APBB2: variants seen among roughly 807,000 people sequenced by gnomAD.
APBB2 encodes amyloid beta precursor protein binding family B member 2, also known as Fe65-like 1.
APBB2 carries 38 observed loss-of-function variants against 82.5 expected under a neutral mutation model. That is an observed-to-expected ratio of 0.46 (90% CI 0.36 to 0.60). APBB2 has a LOEUF of 0.60. APBB2 is among the 20% of genes least tolerant of loss of function. The pLI, the probability that APBB2 is intolerant of heterozygous loss-of-function variation, is 0.00. For missense variants in APBB2, 772 were observed against 972.3 expected (o/e 0.79, Z 2.74); for synonymous variants, 341 against 368.2 (o/e 0.93, Z 0.85).
At chr4:40,849,432 A>T (rs1343825540) in intron 12 of APBB2, among the ~76,000 whole-genome samples, 1 of 152,244 alleles carries the variant, frequency 6.6e-6, no homozygotes, top group Non-Finnish European at 1.5e-5. Flanking sequence ...GCTCCTGAAG[A>T]AATCAATATA....
At chr4:41,128,308 G>A (rs2154002502) in intron 2 of APBB2, among the ~76,000 whole-genome samples, 1 of 152,258 alleles carries the variant, frequency 6.6e-6, no homozygotes, top group East Asian at 1.9e-4. Context: ...ACACTTCTAT[G>A]CCATTGATGG....
rs184955400 is a variant in APBB2 at position 40,835,416 on chromosome 4, T to A, written c.1530-4839A>T. On this transcript the variant is annotated intron_variant, in intron 12 of 17. Coordinates refer to ENST00000508593, the MANE Select transcript of APBB2 (RefSeq NM_004307.2). ...CTAATGTTACAGACGGGCAATGAGG[T>A]TTGAGCTGCTTCTTTAAGTGTAAGA... 4.9e-4 allele frequency among the ~76,000 whole-genome samples: 75 copies of A among 152,156 alleles called. 2 individuals carry two copies. The East Asian group carries it at 0.013, about 27-fold the overall frequency.
At chr4:41,130,486 TCCTGTTAAAACTCAAGC>T (rs1755659627) in intron 2 of APBB2, among the ~76,000 whole-genome samples, 1 of 152,144 alleles carries the variant, frequency 6.6e-6, no homozygotes, top group Admixed American at 6.5e-5. Flanking sequence ...AACAGAGGAA[TCCTGTTAAAACTCAAGC>T]CACACCACAG....
chr4:40,998,158 T>C lies in APBB2; in HGVS notation c.835+15425A>G, dbSNP rs541207813. On this transcript the variant is annotated intron_variant, in intron 6 of 17. Transcript: ENST00000508593. Reference sequence around the variant, plus strand: ...AGCAAAAATCAGAATTTTGGAAAACTTGTATCTATCACAGTGAGCTTGACA... The same window carrying C: ...AGCAAAAATCAGAATTTTGGAAAACCTGTATCTATCACAGTGAGCTTGACA... Among the ~76,000 whole-genome samples the C allele has an allele frequency of 4.6e-5, 7 of 152,356 alleles. No homozygotes were observed. In the South Asian group the frequency reaches 1.5e-3, roughly 32 times the overall value.
chr4:41,091,071 C>T (rs896763003), intron 3 of APBB2, among the ~76,000 whole-genome samples: 3 of 152,136 alleles, frequency 2.0e-5, no homozygotes, highest in African/African-American at 7.2e-5. Flanking sequence ...TATTGTCACC[C>T]TCACACTCTC....
chr4:41,205,562 C>T (rs943541781), intron 1 of APBB2, among the ~76,000 whole-genome samples: 3 of 152,038 alleles, frequency 2.0e-5, no homozygotes, highest in Non-Finnish European at 2.9e-5. Flanking sequence ...ATAAAGCCAA[C>T]GGACAAAAAG....
intron 11 of APBB2, among the ~76,000 whole-genome samples, chr4:40,892,076 G>C (rs772870947): frequency 6.6e-6 from 1 of 151,282 alleles, no homozygotes; most frequent in Non-Finnish European, 1.5e-5. Flanking sequence ...TCAGCCTCTC[G>C]AGTAGCTGGG....
At position 41,043,888 on chromosome 4, in the gene APBB2, A is replaced by C. The variant is rs140306255; in HGVS notation, c.-50-10584T>G. 3.7e-3 allele frequency among the ~76,000 whole-genome samples: 557 copies of C among 152,286 alleles called. 6 individuals are homozygous for C. The highest frequency in any genetic ancestry group is 0.027 in the Admixed American group (420 of 15,298). ...GCTGTCTGAGTTATGGAGTTTCCAC[A>C]GTATGAATTTTGGTGGTGCATGTTT... On this transcript the variant is annotated intron_variant, in intron 4 of 17. Transcript: ENST00000508593.
intron 4 of APBB2, among the ~76,000 whole-genome samples, chr4:41,064,258 G>A (rs1036418716): frequency 1.5e-4 from 22 of 151,510 alleles, no homozygotes; most frequent in African/African-American, 2.2e-4. Context: ...GATTACAGGC[G>A]TGAGCCACCA....
chr4:40,936,816 T>C (rs545872272), intron 7 of APBB2, among the ~76,000 whole-genome samples: 1 of 152,222 alleles, frequency 6.6e-6, no homozygotes, highest in Admixed American at 6.5e-5. Context: ...GTGTTCAGTC[T>C]TTATGAAGAG....
chr4:41,182,799 G>C (rs1319953436), intron 1 of APBB2, among the ~76,000 whole-genome samples: 1 of 152,128 alleles, frequency 6.6e-6, no homozygotes, highest in African/African-American at 2.4e-5. Context: ...AAAACCATCA[G>C]ATATTGTGAG....
intron 15 of APBB2, among the ~76,000 whole-genome samples, chr4:40,824,179 A>G (rs1749054338): frequency 6.6e-6 from 1 of 152,168 alleles, no homozygotes; most frequent in Non-Finnish European, 1.5e-5. Context: ...AAAAAGAAAA[A>G]AAAGAAATAA....
At chr4:40,961,222 A>C (rs1793115495) in intron 6 of APBB2, among the ~76,000 whole-genome samples, 1 of 152,104 alleles carries the variant, frequency 6.6e-6, no homozygotes, top group Admixed American at 6.5e-5. Flanking sequence ...AATTCATCCT[A>C]TTTCATTCAT....
chr4:41,024,678 CT>C (rs1713226600), intron 5 of APBB2, among the ~76,000 whole-genome samples: 1 of 152,162 alleles, frequency 6.6e-6, no homozygotes, highest in Admixed American at 6.5e-5. Flanking sequence ...TTCCTTTCCC[CT>C]ATGAGTAAAA....
intron 12 of APBB2, among the ~76,000 whole-genome samples, chr4:40,882,237 C>G (rs921263264): frequency 6.6e-6 from 1 of 152,142 alleles, no homozygotes; most frequent in Non-Finnish European, 1.5e-5. Flanking sequence ...AAGAGGGGGG[C>G]TCTGACCTGC....
At position 40,811,514 on chromosome 4, in the gene APBB2, T is replaced by G. The variant is rs1744399267; in HGVS notation, c.*4578A>C. The G allele has an allele frequency of 1.8e-5, 1 of 56,146 alleles. No homozygotes were observed. The highest frequency in any genetic ancestry group is 7.6e-5 in the African/African-American group (1 of 13,088). 3.5% of individuals were successfully genotyped at this position (56,146 alleles called of 1,614,324 possible). A position where few individuals can be genotyped will look rare whatever the true frequency, so the allele number is the denominator to read the frequency against. On this transcript the variant is annotated 3_prime_UTR_variant, in exon 18 of 18. Coordinates refer to ENST00000508593, the MANE Select transcript of APBB2 (RefSeq NM_004307.2). The stretch of plus-strand genomic sequence containing the variant: ...TTGTGGTGAGCTGAAATTACACCAC[T>G]GCACTCCAGAGTAAGACTCCTCTGT...
In APBB2 at chr4:41,157,715, G is replaced by A. The variant is rs148779922; in HGVS notation, c.-416-14573C>T. On this transcript the variant is annotated intron_variant, in intron 1 of 17. Transcript: ENST00000508593. ...TAGCTGAGAGCTACGACTCCAGGCC[G>A]CGCAGTGGCTCACACCTGTAATCCC... Among the ~76,000 whole-genome samples the A allele has an allele frequency of 3.6e-3, 543 of 152,294 alleles. 3 individuals are homozygous for A. The highest frequency in any genetic ancestry group is 0.012 in the African/African-American group (509 of 41,560).
At chr4:40,965,478 A>G (rs1794453625) in intron 6 of APBB2, among the ~76,000 whole-genome samples, 1 of 152,210 alleles carries the variant, frequency 6.6e-6, no homozygotes, top group Non-Finnish European at 1.5e-5. Flanking sequence ...ACATGGGGCT[A>G]CTGAGCATAT....
Position 40,826,352 on chromosome 4 carries a change from T to A in APBB2, c.1733-382A>T, listed in dbSNP as rs929926682. ...TCAGAGACATAGGAAGATAACTGAG[T>A]TCCCCCAGTAATCAACCCACGTTTT... is the stretch of plus-strand genomic sequence containing the variant. On this transcript the variant is annotated intron_variant, in intron 14 of 17. Transcript: ENST00000508593. The surrounding 1 kb of genome is among the most constrained non-coding windows in gnomAD (Gnocchi z 4.5). Among the ~76,000 whole-genome samples, 23 of 150,928 alleles carry A rather than the reference T, an allele frequency of 1.5e-4. No homozygotes were observed. The highest frequency in any genetic ancestry group is 5.4e-4 in the African/African-American group (22 of 41,084).
Sources: gnomAD v4.1 joint callset for allele counts (sites outside exome capture counted in the v4.1 genomes callset) on GRCh38, gnomAD v4.1.1 for gene constraint, Gnocchi (gnomAD v3.1) non-coding constraint, MANE v1.5 for transcripts, NCBI Gene and HGNC (gene_info 2026-07-23, HGNC 2026-07-21) for gene names.